EFCAB6: variants seen among roughly 807,000 people sequenced by gnomAD.
EFCAB6 encodes EF-hand calcium binding domain 6, also known as EF-hand calcium-binding domain-containing protein 6.
EFCAB6 carries 156 observed loss-of-function variants against 169.8 expected under a neutral mutation model. The ratio of observed to expected loss-of-function variants is 0.92; its 90% CI spans 0.81 to 1.05. The LOEUF is 1.05. Among genes scored for constraint, EFCAB6 ranks in the 50% least tolerant of loss-of-function variants. The pLI is 0.00. For missense variants in EFCAB6, 1,800 were observed against 1,829.1 expected (o/e 0.98, Z 0.29); for synonymous variants, 698 against 676.4 (o/e 1.03, Z -0.50).
chr22:43,683,747 A>C lies in EFCAB6; in HGVS notation c.1251T>G (p.Thr417=). The C allele has an allele frequency of 1.3e-6, 2 of 1,598,316 alleles. No individual in the cohort carries two copies. Among genetic ancestry groups the C allele is most frequent in the Non-Finnish European group, 1.7e-6 (2 of 1,165,586 alleles). ...CAAGAGAAGGCTTTCAAAATCTTAC[A>C]GTGTTGATTATCAGTAATGCTTTCT... is the stretch of plus-strand genomic sequence containing the variant. ...SLKKALLIIN[T]KPDGPITREE... is the part of the protein sequence containing the mutation. The change falls in exon 12 of 32, where the codon ACT becomes ACG. Residue 417 remains threonine (T), a splice_region_variant and synonymous_variant. Coordinates refer to ENST00000262726, the MANE Select transcript of EFCAB6 (RefSeq NM_022785.4).
intron 10 of EFCAB6, among the ~76,000 whole-genome samples, chr22:43,701,936 G>A (rs2058780563): frequency 6.6e-6 from 1 of 151,984 alleles, no homozygotes; most frequent in Non-Finnish European, 1.5e-5. Context: ...GACAGAAAAG[G>A]GTTACCTTTT....
chr22:43,672,376 G>A, intron 13 of EFCAB6, 71 bp from the exon 14 acceptor site: 1 of 1,524,878 alleles, frequency 6.6e-7, no homozygotes, highest in Non-Finnish European at 9.0e-7. Context: ...GGAGGCAGGT[G>A]GACCTGGACT....
chr22:43,678,216 GA>G, intron 12 of EFCAB6, 53 bp from the exon 13 acceptor site: 1 of 1,454,502 alleles, frequency 6.9e-7, no homozygotes, highest in South Asian at 1.2e-5. Flanking sequence ...AAAAAAGGAA[GA>G]AAAAGTGTTA....
intron 22 of EFCAB6, among the ~76,000 whole-genome samples, chr22:43,604,513 G>A (rs534908062): frequency 3.3e-5 from 5 of 152,050 alleles, no homozygotes; most frequent in Admixed American, 2.0e-4. Context: ...CTCTGACATC[G>A]CATCCCACTG....
chr22:43,565,094 A>G (rs1465667064), intron 26 of EFCAB6, among the ~76,000 whole-genome samples: 1 of 152,188 alleles, frequency 6.6e-6, no homozygotes, highest in Non-Finnish European at 1.5e-5. Flanking sequence ...GCCATATGTC[A>G]TGCTTTGGCC....
chr22:43,753,956 G>C (rs903474609), intron 6 of EFCAB6, among the ~76,000 whole-genome samples: 2 of 152,172 alleles, frequency 1.3e-5, no homozygotes, highest in South Asian at 2.1e-4. Flanking sequence ...ATGAAGAGAG[G>C]CTTACTTAGA....
At chr22:43,600,346 C>T in intron 22 of EFCAB6, 83 bp from the exon 23 acceptor site, 6 of 1,402,330 alleles carry the variant, frequency 4.3e-6, no homozygotes, top group East Asian at 2.3e-5. Flanking sequence ...AATGCCTGCA[C>T]CATCCATGAG....
At chr22:43,542,168 G>T (rs917045149) in intron 27 of EFCAB6, among the ~76,000 whole-genome samples, 10 of 152,256 alleles carry the variant, frequency 6.6e-5, no homozygotes, top group Non-Finnish European at 1.5e-4. Flanking sequence ...AGGGAGGTCG[G>T]TGTGCATGCT....
intron 17 of EFCAB6, among the ~76,000 whole-genome samples, chr22:43,655,783 CA>C (rs1372784804): frequency 6.6e-6 from 1 of 151,798 alleles, no homozygotes; most frequent in Non-Finnish European, 1.5e-5. Flanking sequence ...AGTTTGAAAG[CA>C]AAAGGATAGA....
chr22:43,609,912 G>A (rs964651279), intron 21 of EFCAB6, among the ~76,000 whole-genome samples: 8 of 152,198 alleles, frequency 5.3e-5, no homozygotes, highest in Admixed American at 4.6e-4. Context: ...TGTGATGTAG[G>A]CAGTGGTGAT....
At chr22:43,625,239 C>T (rs2054418463) in intron 20 of EFCAB6, among the ~76,000 whole-genome samples, 1 of 152,100 alleles carries the variant, frequency 6.6e-6, no homozygotes, top group Non-Finnish European at 1.5e-5. Context: ...CAGGGAGCTG[C>T]CCTTGCCTAG....
chr22:43,574,764 C>G (rs868518063), intron 26 of EFCAB6, among the ~76,000 whole-genome samples: 2 of 152,160 alleles, frequency 1.3e-5, no homozygotes, highest in Non-Finnish European at 2.9e-5. Flanking sequence ...GGCTTAAAGC[C>G]TTTCAGGTCA....
chr22:43,748,262 A>T (rs1297720365), intron 6 of EFCAB6, among the ~76,000 whole-genome samples: 1 of 152,204 alleles, frequency 6.6e-6, no homozygotes, highest in Admixed American at 6.5e-5. Flanking sequence ...CTCCTGACCC[A>T]TGCCGAAGGG....
At chr22:43,625,592 G>A (rs934717639) in intron 20 of EFCAB6, among the ~76,000 whole-genome samples, 32 of 152,156 alleles carry the variant, frequency 2.1e-4, no homozygotes, top group African/African-American at 6.8e-4. Context: ...GCACTGAGCC[G>A]GAGCTCAGCT....
chr22:43,546,396 TAC>T (rs1399003831), intron 27 of EFCAB6, among the ~76,000 whole-genome samples: 2 of 152,128 alleles, frequency 1.3e-5, no homozygotes, highest in Non-Finnish European at 2.9e-5. Flanking sequence ...TCGTGGGTCC[TAC>T]ACACACAGTT....
intron 17 of EFCAB6, among the ~76,000 whole-genome samples, chr22:43,655,413 G>A (rs537491612): frequency 6.0e-4 from 90 of 150,918 alleles, no homozygotes; most frequent in African/African-American, 2.0e-3. Flanking sequence ...CACAGGCTGC[G>A]TGTCACAGTC....
At chr22:43,643,887 G>T (rs1373299720) in intron 17 of EFCAB6, among the ~76,000 whole-genome samples, 1 of 151,618 alleles carries the variant, frequency 6.6e-6, no homozygotes, top group African/African-American at 2.4e-5. Flanking sequence ...GCAGTAGCGT[G>T]ATCTCGGCTC....
intron 4 of EFCAB6, 96 bp from the exon 5 acceptor site, chr22:43,765,489 A>C: frequency 6.9e-6 from 6 of 865,202 alleles, no homozygotes; most frequent in Non-Finnish European, 1.1e-5. Flanking sequence ...CTCAGGATGT[A>C]ACAGAGAATA....
intron 13 of EFCAB6, among the ~76,000 whole-genome samples, chr22:43,676,395 G>A: frequency 6.7e-6 from 1 of 149,246 alleles, no homozygotes; most frequent in South Asian, 2.1e-4. Flanking sequence ...CTCCAGCCTG[G>A]GCGACAGAGC....
Sources: allele counts gnomAD v4.1 joint callset (sites outside exome capture counted in the v4.1 genomes callset), GRCh38; gene constraint gnomAD v4.1.1; transcripts MANE v1.5; gene names NCBI Gene and HGNC (gene_info 2026-07-23, HGNC 2026-07-21).